Variants in CNTNAP2 observed in about 807,000 individuals in gnomAD.
The protein encoded by CNTNAP2 is contactin-associated protein-like 2.
In CNTNAP2, 98 loss-of-function variants were observed where a neutral mutation model predicts 155.2. That is an observed-to-expected ratio of 0.63 (90% CI 0.54 to 0.75). The LOEUF (loss-of-function observed/expected upper bound fraction) is 0.75, where lower values mean the gene tolerates loss of function less well. Among genes scored for constraint, CNTNAP2 ranks in the 30% least tolerant of loss-of-function variants. CNTNAP2 has a pLI of 0.00. For missense variants in CNTNAP2, 1,727 were observed against 1,688.1 expected (o/e 1.02, Z -0.40); for synonymous variants, 651 against 631.2 (o/e 1.03, Z -0.47).
intron 21 of CNTNAP2, among the ~76,000 whole-genome samples, chr7:148,368,291 G>A (rs1430496626): frequency 6.6e-6 from 1 of 152,170 alleles, no homozygotes; most frequent in African/African-American, 2.4e-5. Flanking sequence ...GGCTACAACT[G>A]AGTTAGGTAT....
At chr7:146,766,383 G>A (rs1802194828) in intron 1 of CNTNAP2, among the ~76,000 whole-genome samples, 1 of 152,058 alleles carries the variant, frequency 6.6e-6, no homozygotes, top group Admixed American at 6.6e-5. Context: ...TTATTATATA[G>A]GGTAACATTT....
At chr7:146,523,788 A>G (rs781462422) in intron 1 of CNTNAP2, among the ~76,000 whole-genome samples, 2 of 152,168 alleles carry the variant, frequency 1.3e-5, no homozygotes, top group Admixed American at 1.3e-4. Flanking sequence ...ATAATTTTCA[A>G]TTAAATCACC....
intron 3 of CNTNAP2, among the ~76,000 whole-genome samples, chr7:147,038,716 C>T (rs1799205339): frequency 6.6e-6 from 1 of 152,184 alleles, no homozygotes; most frequent in South Asian, 2.1e-4. Context: ...ACCTCTGAAG[C>T]ACTTGTGGCC....
intron 3 of CNTNAP2, among the ~76,000 whole-genome samples, chr7:146,866,042 T>A (rs1585128747): frequency 6.6e-6 from 1 of 152,256 alleles, no homozygotes; most frequent in African/African-American, 2.4e-5. Flanking sequence ...TTTCTGTTAT[T>A]ATTCAGAGGT....
At chr7:147,866,616 G>A (rs1224609279) in intron 13 of CNTNAP2, among the ~76,000 whole-genome samples, 2 of 152,106 alleles carry the variant, frequency 1.3e-5, no homozygotes, top group South Asian at 4.1e-4. Flanking sequence ...TTTTGGTTGG[G>A]TGCGTATATA....
chr7:147,775,663 A>G (rs1159104942), intron 13 of CNTNAP2, among the ~76,000 whole-genome samples: 1 of 151,778 alleles, frequency 6.6e-6, no homozygotes, highest in African/African-American at 2.4e-5. Context: ...ATGTAACAGC[A>G]TGACACAGCT....
chr7:147,300,366 T>A, intron 9 of CNTNAP2, 76 bp downstream of exon 9: 1 of 1,538,348 alleles, frequency 6.5e-7, no homozygotes, highest in Non-Finnish European at 9.0e-7. Context: ...GATTATGAAG[T>A]ATTTATATTT....
At chr7:146,861,337 GT>G (rs1408385198) in intron 3 of CNTNAP2, among the ~76,000 whole-genome samples, 1 of 152,142 alleles carries the variant, frequency 6.6e-6, no homozygotes, top group Non-Finnish European at 1.5e-5. Context: ...ATAGGCATGA[GT>G]GTTTTTCCTT....
intron 8 of CNTNAP2, among the ~76,000 whole-genome samples, chr7:147,297,323 G>A (rs972390221): frequency 8.7e-6 from 1 of 115,220 alleles, no homozygotes; most frequent in African/African-American, 3.5e-5. Context: ...TTAACTTTAG[G>A]GTTTTTTTAG....
At chr7:146,280,461 C>T (rs1800233464) in intron 1 of CNTNAP2, among the ~76,000 whole-genome samples, 1 of 152,024 alleles carries the variant, frequency 6.6e-6, no homozygotes, top group Non-Finnish European at 1.5e-5. Context: ...CAATACTTGC[C>T]TTTTGATATT....
chr7:146,410,093 T>A (rs1189525396), intron 1 of CNTNAP2, among the ~76,000 whole-genome samples: 1 of 152,226 alleles, frequency 6.6e-6, no homozygotes, highest in Non-Finnish European at 1.5e-5. Flanking sequence ...CTGTTCTCTC[T>A]TGTCTCTACT....
At chr7:148,041,914 ACT>A (rs1802684357) in intron 15 of CNTNAP2, among the ~76,000 whole-genome samples, 2 of 151,920 alleles carry the variant, frequency 1.3e-5, no homozygotes, top group Admixed American at 1.3e-4. Context: ...AACTTGAGAA[ACT>A]CTTCTGTACA....
At chr7:147,864,515 G>C (rs1169733459) in intron 13 of CNTNAP2, among the ~76,000 whole-genome samples, 1 of 151,250 alleles carries the variant, frequency 6.6e-6, no homozygotes, top group African/African-American at 2.4e-5. Flanking sequence ...AAATTACCTT[G>C]GGCAGTATGG....
intron 19 of CNTNAP2, among the ~76,000 whole-genome samples, chr7:148,227,379 C>G (rs534154066): frequency 2.0e-5 from 3 of 152,124 alleles, no homozygotes; most frequent in Admixed American, 1.3e-4. Context: ...GGGTTCGGAG[C>G]AAAGAAAAGC....
chr7:147,545,773 T>G (rs1250972330), intron 11 of CNTNAP2, among the ~76,000 whole-genome samples: 3 of 152,198 alleles, frequency 2.0e-5, no homozygotes, highest in African/African-American at 4.8e-5. Flanking sequence ...ACTGATATGA[T>G]TTGACTGTGT....
chr7:146,462,737 G>T (rs751512298), intron 1 of CNTNAP2, among the ~76,000 whole-genome samples: 1 of 152,142 alleles, frequency 6.6e-6, no homozygotes, highest in Non-Finnish European at 1.5e-5. Context: ...CCCACGCAGA[G>T]TTCTTGACAT....
intron 20 of CNTNAP2, among the ~76,000 whole-genome samples, chr7:148,254,125 C>T (rs1202032679): frequency 1.3e-5 from 2 of 152,150 alleles, no homozygotes; most frequent in African/African-American, 4.8e-5. Flanking sequence ...CCAGTTACAG[C>T]AAAGGCCCTG....
chr7:148,092,054 C>A (rs373623166), intron 15 of CNTNAP2, among the ~76,000 whole-genome samples: 1 of 152,140 alleles, frequency 6.6e-6, no homozygotes, highest in East Asian at 1.9e-4. Flanking sequence ...TCCGAAGTGG[C>A]CTGGAAGTCT....
intron 9 of CNTNAP2, among the ~76,000 whole-genome samples, chr7:147,307,826 C>G (rs1169836442): frequency 6.6e-6 from 1 of 151,958 alleles, no homozygotes; most frequent in Non-Finnish European, 1.5e-5. Flanking sequence ...CATTTATATC[C>G]AAAGAGATTA....
Sources: gnomAD v4.1 joint callset for allele counts (sites outside exome capture counted in the v4.1 genomes callset) on GRCh38, gnomAD v4.1.1 for gene constraint, MANE v1.5 for transcripts, NCBI Gene and HGNC (gene_info 2026-07-23, HGNC 2026-07-21) for gene names.